CYRIB: variants seen among roughly 807,000 people sequenced by gnomAD.
CYRIB encodes CYFIP-related Rac1 interactor B.
A neutral mutation model predicts 44.2 loss-of-function variants in CYRIB; 8 were observed. The ratio of observed to expected loss-of-function variants is 0.18; its 90% CI spans 0.11 to 0.33. The LOEUF (loss-of-function observed/expected upper bound fraction) is 0.33. Among genes scored for constraint, CYRIB ranks in the 10% least tolerant of loss-of-function variants. The pLI, the probability that CYRIB is intolerant of heterozygous loss-of-function variation, is 1.00. For synonymous variants in CYRIB, 131 were observed against 127.2 expected (o/e 1.03, Z -0.20); for missense variants, 185 against 382.8 (o/e 0.48, Z 4.31).
At chr8:129,988,770 C>T (rs2096547619) in intron 1 of CYRIB, among the ~76,000 whole-genome samples, 1 of 149,428 alleles carries the variant, frequency 6.7e-6, no homozygotes, top group Non-Finnish European at 1.5e-5. Context: ...TAAATTATGG[C>T]GGGTGGGGTT....
chr8:129,862,805 T>C (rs2050624350), intron 4 of CYRIB, among the ~76,000 whole-genome samples: 1 of 152,172 alleles, frequency 6.6e-6, no homozygotes, highest in Admixed American at 6.5e-5. Context: ...GTGCTAAGGG[T>C]GAGTCTTCTC....
chr8:129,985,646 G>GA (rs552778365), intron 1 of CYRIB, among the ~76,000 whole-genome samples: 42 of 149,302 alleles, frequency 2.8e-4, no homozygotes, highest in East Asian at 7.8e-4. Context: ...ATTGCTCTCA[G>GA]AAAAAAAAAA....
At chr8:129,885,880 AC>A (rs1327613561) in intron 2 of CYRIB, among the ~76,000 whole-genome samples, 1 of 151,906 alleles carries the variant, frequency 6.6e-6, no homozygotes, top group Non-Finnish European at 1.5e-5. Context: ...AAACCCAACA[AC>A]CCATCCTCCA....
chr8:129,866,117 C>G (rs1297761036), intron 4 of CYRIB, among the ~76,000 whole-genome samples: 1 of 152,150 alleles, frequency 6.6e-6, no homozygotes, highest in Non-Finnish European at 1.5e-5. Flanking sequence ...CCAATCTAAC[C>G]GTATGTGTTG....
intron 1 of CYRIB, among the ~76,000 whole-genome samples, chr8:129,914,431 T>C (rs1344788475): frequency 6.6e-6 from 1 of 152,190 alleles, no homozygotes; most frequent in Admixed American, 6.5e-5. Context: ...ATCCTTCATA[T>C]TAAAGGAACT....
At chr8:129,906,789 G>A (rs111344276) in intron 1 of CYRIB, among the ~76,000 whole-genome samples, 2,691 of 152,222 alleles carry the variant, frequency 0.018, 92 homozygotes, top group African/African-American at 0.061. Flanking sequence ...ACAAGTGGGC[G>A]AAGGATACGA....
At chr8:129,848,738 T>C (rs1202604888) in intron 10 of CYRIB, among the ~76,000 whole-genome samples, 1 of 150,794 alleles carries the variant, frequency 6.6e-6, no homozygotes, top group African/African-American at 2.4e-5. Context: ...CTGGCTAATT[T>C]TTTTTTTTTT....
chr8:129,861,015 A>G (rs1221948148), intron 5 of CYRIB, among the ~76,000 whole-genome samples: 1 of 152,006 alleles, frequency 6.6e-6, no homozygotes, highest in African/African-American at 2.4e-5. Flanking sequence ...TACAGTATAT[A>G]CCCCCTGGTT....
upstream of CYRIB, among the ~76,000 whole-genome samples, chr8:129,943,599 T>C (rs1224131659): frequency 1.3e-4 from 1 of 7,610 alleles, no homozygotes; most frequent in South Asian, 6.0e-3. Flanking sequence ...CATCTTTTTT[T>C]TTTTTTTTTT....
chr8:129,978,457 T>A (rs1045115220), intron 1 of CYRIB, among the ~76,000 whole-genome samples: 1 of 152,110 alleles, frequency 6.6e-6, no homozygotes, highest in Non-Finnish European at 1.5e-5. Flanking sequence ...TTAGAGAGAA[T>A]CCCTGGAGAC....
intron 2 of CYRIB, among the ~76,000 whole-genome samples, chr8:129,900,754 A>T (rs2071198680): frequency 1.3e-5 from 2 of 152,110 alleles, no homozygotes; most frequent in Non-Finnish European, 2.9e-5. Context: ...ATCTAAGCTC[A>T]TGGCAACCTC....
Position 129,930,365 on chromosome 8 carries a change from T to TATATATATA in CYRIB, c.-50+9242_-50+9243insTATATATAT, listed in dbSNP as rs2090532178. Among the ~76,000 whole-genome samples, 5 of 50,438 alleles carry TATATATATA rather than the reference T, an allele frequency of 9.9e-5. 1 individual carries two copies. Among genetic ancestry groups the TATATATATA allele is most frequent in the African/African-American group, 2.1e-4 (3 of 14,490 alleles). 33.1% of individuals were successfully genotyped at this position (50,438 alleles called of 152,430 possible). On this transcript the variant is annotated intron_variant, in intron 1 of 11. Transcript: ENST00000519824. ...TCAACTAGGAAGAATTGTGAAGTGCTTATATATATATATATTTTAATTATT... is the reference window on the plus strand; with the variant it reads ...TCAACTAGGAAGAATTGTGAAGTGCTATATATATATATATATATATATATTTTAATTATT...
chr8:130,015,841 A>T (rs879690943), intron 1 of CYRIB, among the ~76,000 whole-genome samples: 12 of 152,350 alleles, frequency 7.9e-5, no homozygotes, highest in Non-Finnish European at 1.3e-4. Context: ...TGGCTACCCC[A>T]GGAGGAAGTC....
chr8:129,900,743 G>A (rs562419464), intron 2 of CYRIB, among the ~76,000 whole-genome samples: 7 of 152,218 alleles, frequency 4.6e-5, no homozygotes, highest in East Asian at 3.9e-4. Flanking sequence ...GCAGTGACAC[G>A]ATCTAAGCTC....
At chr8:129,949,853 C>T (rs1002216778) in intron 2 of CYRIB, among the ~76,000 whole-genome samples, 2 of 151,682 alleles carry the variant, frequency 1.3e-5, no homozygotes, top group African/African-American at 4.8e-5. Flanking sequence ...GCAAAAAGAG[C>T]GAAACTCCAT....
chr8:129,889,751 G>A (rs1226858566), intron 2 of CYRIB, among the ~76,000 whole-genome samples: 1 of 151,898 alleles, frequency 6.6e-6, no homozygotes, highest in Non-Finnish European at 1.5e-5. Flanking sequence ...AACTTGAGTG[G>A]ATGAGGAGTT....
At chr8:129,858,872 A>AAACAAGCAAGTACAG (rs1200316902) in intron 5 of CYRIB, among the ~76,000 whole-genome samples, 1 of 152,194 alleles carries the variant, frequency 6.6e-6, no homozygotes, top group Non-Finnish European at 1.5e-5. Context: ...CCTCAGAACA[A>AAACAAGCAAGTACAG]AACAAGCAAG....
chr8:129,932,873 C>T (rs1188792695), intron 1 of CYRIB, among the ~76,000 whole-genome samples: 1 of 152,150 alleles, frequency 6.6e-6, no homozygotes, highest in African/African-American at 2.4e-5. Context: ...AAAGACTCCC[C>T]CACCTGTTTA....
At chr8:129,989,705 T>G (rs985655513) in intron 1 of CYRIB, among the ~76,000 whole-genome samples, 7 of 151,688 alleles carry the variant, frequency 4.6e-5, no homozygotes, top group Admixed American at 1.3e-4. Flanking sequence ...GCAGGTTTGT[T>G]ACATATGTAT....
Sources: gnomAD v4.1 joint callset for allele counts (sites outside exome capture counted in the v4.1 genomes callset) on GRCh38, gnomAD v4.1.1 for gene constraint, MANE v1.5 for transcripts, NCBI Gene and HGNC (gene_info 2026-07-23, HGNC 2026-07-21) for gene names.